The following CSMD1 variants were observed in gnomAD, a reference collection of about 807,000 sequenced individuals.
CSMD1 encodes the protein CUB and Sushi multiple domains 1, also known as CUB and sushi domain-containing protein 1.
CSMD1 carries 213 observed loss-of-function variants against 417.5 expected under a neutral mutation model. That is an observed-to-expected ratio of 0.51 (90% CI 0.46 to 0.57). The LOEUF (loss-of-function observed/expected upper bound fraction) is 0.57. Ranked by LOEUF, CSMD1 falls within the 20% of genes least tolerant of loss-of-function variation. The probability of loss-of-function intolerance (pLI) is 0.00; values close to 1 mark genes in which losing one functional copy is unlikely to be tolerated. For missense variants in CSMD1, 6,923 were observed against 4,529.7 expected, an observed-to-expected ratio of 1.53 and a Z score of -15.17; for synonymous variants, 2,862 against 1,736.8, an observed-to-expected ratio of 1.65 and a Z score of -16.11.
intron 5 of CSMD1, among the ~76,000 whole-genome samples, chr8:3,874,814 C>A (rs1014257233): frequency 6.6e-6 from 1 of 151,984 alleles, no homozygotes; most frequent in Non-Finnish European, 1.5e-5. Flanking sequence ...AGGACACACA[C>A]CAAAGACGGG....
At chr8:4,465,870 T>A (rs547956519) in intron 2 of CSMD1, among the ~76,000 whole-genome samples, 137 of 152,266 alleles carry the variant, frequency 9.0e-4, no homozygotes, top group African/African-American at 3.0e-3. Context: ...CAGGTGATTG[T>A]ATCTGGAAGT....
At chr8:4,463,992 C>A (rs1799998102) in intron 2 of CSMD1, among the ~76,000 whole-genome samples, 1 of 151,958 alleles carries the variant, frequency 6.6e-6, no homozygotes, top group Non-Finnish European at 1.5e-5. Context: ...AGCTATAAGT[C>A]TCATTTCCTG....
At chr8:4,341,708 G>A (rs1220050933) in intron 3 of CSMD1, among the ~76,000 whole-genome samples, 1 of 152,132 alleles carries the variant, frequency 6.6e-6, no homozygotes, top group Non-Finnish European at 1.5e-5. Flanking sequence ...CCTAAGATTA[G>A]TCAATATGTT....
Position 4,077,692 on chromosome 8 carries a change from A to G in CSMD1, c.416-45593T>C, listed in dbSNP as rs1292164718. ...TTTTCATGTATTTGTTTCCTAAGAC[A>G]GAGTTTAATTCTTGTTTCTTACCAT... is the stretch of plus-strand genomic sequence containing the variant. On this transcript the variant is annotated intron_variant, in intron 3 of 69. Coordinates refer to ENST00000635120, the MANE Select transcript of CSMD1 (RefSeq NM_033225.6). Among the ~76,000 whole-genome samples, 6 of 152,186 alleles carry G rather than the reference A, an allele frequency of 3.9e-5. No homozygotes were observed. In the East Asian group the frequency reaches 1.2e-3, roughly 29 times the overall value.
chr8:3,064,387 C>A (rs1015317693), intron 49 of CSMD1, among the ~76,000 whole-genome samples: 36 of 152,124 alleles, frequency 2.4e-4, no homozygotes, highest in Admixed American at 2.3e-3. Context: ...TCTCTCCCTC[C>A]TGCTGCCATG....
At chr8:3,435,920 A>C (rs1373627421) in intron 12 of CSMD1, among the ~76,000 whole-genome samples, 1 of 152,206 alleles carries the variant, frequency 6.6e-6, no homozygotes, top group African/African-American at 2.4e-5. Context: ...CCTATAGCTT[A>C]GTCTGGTCTT....
chr8:3,079,272 A>T (rs1813911197), intron 49 of CSMD1, among the ~76,000 whole-genome samples: 2 of 152,188 alleles, frequency 1.3e-5, no homozygotes, highest in Non-Finnish European at 2.9e-5. Context: ...ATAATTTACA[A>T]TCTGGCTGAC....
intron 3 of CSMD1, among the ~76,000 whole-genome samples, chr8:4,040,262 G>A (rs190320260): frequency 2.0e-5 from 3 of 152,216 alleles, no homozygotes; most frequent in Non-Finnish European, 2.9e-5. Context: ...CATAATAACC[G>A]GAAATACTTG....
intron 5 of CSMD1, among the ~76,000 whole-genome samples, chr8:3,820,519 C>G (rs576761277): frequency 2.4e-4 from 37 of 152,284 alleles, no homozygotes; most frequent in African/African-American, 8.2e-4. Context: ...AAGCTGACAT[C>G]TCCTATGGTA....
rs895751172 is a variant in CSMD1 at position 4,787,545 on chromosome 8, C to G, written c.86-149987G>C. The G allele has an allele frequency of 5.0e-6, 7 of 1,406,182 alleles. No individual in the cohort carries two copies. The East Asian group carries it at 1.6e-4, about 32-fold the overall frequency. The allele number at this position is 1,406,182 out of a possible 1,614,324, so 87.1% of individuals were successfully genotyped here. A position where few individuals can be genotyped will look rare whatever the true frequency, so the allele number is the denominator to read the frequency against. On this transcript the variant is annotated intron_variant, in intron 1 of 69. Transcript: ENST00000635120. ...GAAGCAGGTATTAAAACTGCCTTCA[C>G]CAGAAAATGTGGGGAGACAGCTTTC... is the stretch of plus-strand genomic sequence containing the variant.
intron 1 of CSMD1, among the ~76,000 whole-genome samples, chr8:4,871,955 C>A (rs1039147561): frequency 6.6e-6 from 1 of 152,062 alleles, no homozygotes; most frequent in African/African-American, 2.4e-5. Context: ...TGGTCTGGAC[C>A]AAGCATAGGT....
chr8:4,030,667 C>G (rs377634136), intron 4 of CSMD1, among the ~76,000 whole-genome samples: 5 of 152,186 alleles, frequency 3.3e-5, no homozygotes, highest in Non-Finnish European at 7.3e-5. Flanking sequence ...TGGGGATTAA[C>G]TTTTGGCTTC....
Position 4,866,822 on chromosome 8 carries a change from C to A in CSMD1, c.85+127510G>T, listed in dbSNP as rs142904992. Among the ~76,000 whole-genome samples, 4 of 151,956 alleles carry A rather than the reference C, an allele frequency of 2.6e-5. 1 individual carries two copies. The highest frequency in any genetic ancestry group is 9.7e-5 in the African/African-American group (4 of 41,442). ...TATTCCAATGATACAGGATCCTTACCTTTTCATGATTTTTAAAAATTATAA... is the reference window on the plus strand; with the variant it reads ...TATTCCAATGATACAGGATCCTTACATTTTCATGATTTTTAAAAATTATAA... On this transcript the variant is annotated intron_variant, in intron 1 of 69. Coordinates refer to ENST00000635120, the MANE Select transcript of CSMD1 (RefSeq NM_033225.6).
intron 2 of CSMD1, among the ~76,000 whole-genome samples, chr8:4,558,341 A>T (rs1375109695): frequency 6.6e-6 from 1 of 152,016 alleles, no homozygotes; most frequent in East Asian, 1.9e-4. Context: ...ATGATTTAAA[A>T]CTCTCCGTAG....
chr8:4,263,592 C>T (rs887764953), intron 3 of CSMD1, among the ~76,000 whole-genome samples: 3 of 152,120 alleles, frequency 2.0e-5, no homozygotes, highest in Non-Finnish European at 4.4e-5. Context: ...TCAATTTTCA[C>T]TGACCTTCAA....
chr8:3,753,573 C>T (rs1043192445), intron 6 of CSMD1, among the ~76,000 whole-genome samples: 2 of 152,100 alleles, frequency 1.3e-5, no homozygotes, highest in Non-Finnish European at 2.9e-5. Flanking sequence ...TTCATGCAAC[C>T]TATATGCTAT....
At chr8:3,366,139 G>A (rs1482177226) in intron 20 of CSMD1, among the ~76,000 whole-genome samples, 1 of 152,158 alleles carries the variant, frequency 6.6e-6, no homozygotes, top group African/African-American at 2.4e-5. Context: ...GAATAAGGAA[G>A]GAAAACCCTC....
chr8:4,767,924 T>C (rs1001979696), intron 1 of CSMD1, among the ~76,000 whole-genome samples: 15 of 152,120 alleles, frequency 9.9e-5, no homozygotes, highest in African/African-American at 3.6e-4. Flanking sequence ...ATAAAACAAA[T>C]GGAAAGTAAA....
intron 21 of CSMD1, among the ~76,000 whole-genome samples, chr8:3,356,745 A>C (rs1442401): frequency 0.37 from 55,790 of 152,010 alleles, 10,455 homozygotes; most frequent in South Asian, 0.46. Flanking sequence ...AACCTTATAG[A>C]AAGAGCCCTG....
Sources: allele counts gnomAD v4.1 joint callset (sites outside exome capture counted in the v4.1 genomes callset), GRCh38; gene constraint gnomAD v4.1.1; transcripts MANE v1.5; gene names NCBI Gene and HGNC (gene_info 2026-07-23, HGNC 2026-07-21).